The following CCNY variants were observed in gnomAD, a reference collection of about 807,000 sequenced individuals.
CCNY encodes the protein cyclin Y.
In CCNY, 19 loss-of-function variants were observed where a neutral mutation model predicts 42.8. That is an observed-to-expected ratio of 0.44 (90% CI 0.31 to 0.65). CCNY has a LOEUF of 0.65. Ranked by LOEUF, CCNY falls within the 30% of genes least tolerant of loss-of-function variation. The pLI is 0.07. For synonymous variants in CCNY, 165 were observed against 162.7 expected (o/e 1.01, Z -0.11); for missense variants, 370 against 437.3 (o/e 0.85, Z 1.37).
chr10:35,420,934 A>G (rs1032706938), intron 1 of CCNY, among the ~76,000 whole-genome samples: 1 of 152,262 alleles, frequency 6.6e-6, no homozygotes, highest in African/African-American at 2.4e-5. Flanking sequence ...ATTCAGAATC[A>G]TACCCTGCAG....
intron 7 of CCNY, among the ~76,000 whole-genome samples, chr10:35,534,811 AC>A (rs1840846904): frequency 6.6e-6 from 1 of 152,002 alleles, no homozygotes; most frequent in Non-Finnish European, 1.5e-5. Context: ...CCTATTCTGA[AC>A]ATTTCATATC....
At chr10:35,417,119 T>C (rs1382118748) in intron 1 of CCNY, among the ~76,000 whole-genome samples, 2 of 152,206 alleles carry the variant, frequency 1.3e-5, no homozygotes, top group African/African-American at 4.8e-5. Context: ...TTATGCTCCA[T>C]TGTGGCCCTG....
At chr10:35,515,754 A>G (rs192983887) in intron 3 of CCNY, among the ~76,000 whole-genome samples, 184 of 152,302 alleles carry the variant, frequency 1.2e-3, no homozygotes, top group Non-Finnish European at 1.7e-3. Context: ...GTTGCCAGAA[A>G]TCTATTTAGT....
At chr10:35,552,864 C>T (rs778664283) in intron 7 of CCNY, among the ~76,000 whole-genome samples, 155 bp from the exon 8 acceptor site, 1 of 152,182 alleles carries the variant, frequency 6.6e-6, no homozygotes, top group African/African-American at 2.4e-5. Flanking sequence ...TTTCATCAGA[C>T]TCATTGAGTC....
intron 1 of CCNY, among the ~76,000 whole-genome samples, chr10:35,343,176 G>A (rs1306400671): frequency 4.0e-5 from 6 of 151,312 alleles, no homozygotes; most frequent in Non-Finnish European, 8.8e-5. Context: ...GCTAATTTTT[G>A]TATTTTTAGT....
chr10:35,466,135 TG>T (rs950981498), intron 1 of CCNY, among the ~76,000 whole-genome samples: 2 of 151,938 alleles, frequency 1.3e-5, no homozygotes, highest in South Asian at 2.1e-4. Context: ...TTTGGGGGTA[TG>T]GGGGGCACAC....
intron 3 of CCNY, among the ~76,000 whole-genome samples, chr10:35,308,610 T>C (rs1183911138): frequency 1.3e-5 from 2 of 150,902 alleles, no homozygotes; most frequent in Non-Finnish European, 3.0e-5. Context: ...CTGGAAGAGG[T>C]GTGGAGGGCA....
At chr10:35,432,700 A>T (rs930318695) in intron 1 of CCNY, among the ~76,000 whole-genome samples, 2 of 152,250 alleles carry the variant, frequency 1.3e-5, no homozygotes, top group African/African-American at 4.8e-5. Context: ...GAAAACAAAA[A>T]CAAGTTCACA....
At chr10:35,360,671 C>A (rs1225365188) in intron 1 of CCNY, among the ~76,000 whole-genome samples, 2 of 151,946 alleles carry the variant, frequency 1.3e-5, no homozygotes, top group African/African-American at 4.8e-5. Flanking sequence ...TACCTGTAAT[C>A]CTACCACACA....
At chr10:35,488,821 T>C (rs1283392138) in intron 2 of CCNY, among the ~76,000 whole-genome samples, 1 of 152,204 alleles carries the variant, frequency 6.6e-6, no homozygotes, top group Non-Finnish European at 1.5e-5. Flanking sequence ...CCTTCAGTCC[T>C]TTAAAAATGT....
At chr10:35,338,878 G>A (rs1236210956) in intron 1 of CCNY, among the ~76,000 whole-genome samples, 2 of 152,170 alleles carry the variant, frequency 1.3e-5, no homozygotes, top group Non-Finnish European at 2.9e-5. Flanking sequence ...AGGAAATAAG[G>A]TGGAAAAAAT....
intron 1 of CCNY, among the ~76,000 whole-genome samples, chr10:35,419,105 A>G (rs1391194727): frequency 1.3e-5 from 2 of 152,026 alleles, no homozygotes; most frequent in East Asian, 3.9e-4. Flanking sequence ...GAGCCACCGC[A>G]CCCGGGTGGG....
intron 1 of CCNY, among the ~76,000 whole-genome samples, chr10:35,385,508 C>G (rs971866489): frequency 6.6e-6 from 1 of 152,182 alleles, no homozygotes; most frequent in Non-Finnish European, 1.5e-5. Flanking sequence ...GGCATAATAT[C>G]ATTTGGTACC....
chr10:35,474,041 C>T (rs1839448058), intron 1 of CCNY, among the ~76,000 whole-genome samples: 1 of 152,190 alleles, frequency 6.6e-6, no homozygotes, highest in Admixed American at 6.5e-5. Context: ...TGACGGACGG[C>T]ACCTGGAAAA....
chr10:35,504,208 C>A (rs74866156), intron 3 of CCNY, among the ~76,000 whole-genome samples: 2,049 of 152,220 alleles, frequency 0.013, 37 homozygotes, highest in East Asian at 0.056. Context: ...TAAGACAAGG[C>A]GAGTGTTCAC....
chr10:35,309,768 T>C (rs144834356), intron 3 of CCNY, among the ~76,000 whole-genome samples: 2 of 152,208 alleles, frequency 1.3e-5, no homozygotes, highest in East Asian at 3.9e-4. Context: ...ATGATAGTTA[T>C]ACATATTTCT....
At chr10:35,399,886 T>C (rs1837607835) in intron 1 of CCNY, among the ~76,000 whole-genome samples, 1 of 152,206 alleles carries the variant, frequency 6.6e-6, no homozygotes, top group South Asian at 2.1e-4. Flanking sequence ...ATGTTCTGGC[T>C]GAACACAGGA....
intron 3 of CCNY, among the ~76,000 whole-genome samples, chr10:35,314,346 G>A (rs1835727477): frequency 2.0e-5 from 3 of 152,126 alleles, no homozygotes; most frequent in Admixed American, 2.0e-4. Flanking sequence ...AAGAGAGAAT[G>A]AGAGCCAAGC....
chr10:35,308,307 C>A (rs1387597244), intron 3 of CCNY, among the ~76,000 whole-genome samples: 1 of 151,704 alleles, frequency 6.6e-6, no homozygotes. Flanking sequence ...GATCCCAGCA[C>A]TTTGGGAGGC....
Sources: gnomAD v4.1 joint callset for allele counts (sites outside exome capture counted in the v4.1 genomes callset) on GRCh38, gnomAD v4.1.1 for gene constraint, MANE v1.5 for transcripts, NCBI Gene and HGNC (gene_info 2026-07-23, HGNC 2026-07-21) for gene names.